TMEM178B: variants seen among roughly 807,000 people sequenced by gnomAD.
TMEM178B encodes the protein transmembrane protein 178B.
TMEM178B carries 5 observed loss-of-function variants against 31.0 expected under a neutral mutation model. That is an observed-to-expected ratio of 0.16 (90% CI 0.08 to 0.34). The LOEUF (loss-of-function observed/expected upper bound fraction) is 0.34. Ranked by LOEUF, TMEM178B falls within the 10% of genes least tolerant of loss-of-function variation. The pLI, the probability that TMEM178B is intolerant of heterozygous loss-of-function variation, is 1.00. For missense variants in TMEM178B, 275 were observed against 400.3 expected, an observed-to-expected ratio of 0.69 and a Z score of 2.67; for synonymous variants, 164 against 164.0, an observed-to-expected ratio of 1.00 and a Z score of 0.00.
intron 2 of TMEM178B, among the ~76,000 whole-genome samples, chr7:141,334,717 T>A: frequency 6.6e-6 from 1 of 152,174 alleles, no homozygotes; most frequent in East Asian, 1.9e-4. Flanking sequence ...GCCTGGGAAA[T>A]GTGTGTAGCT....
the TMEM178B span, among the ~76,000 whole-genome samples, chr7:141,490,782 T>G: frequency 1.3e-5 from 2 of 152,216 alleles, no homozygotes; most frequent in Non-Finnish European, 1.5e-5. Flanking sequence ...TTCAGCAGCT[T>G]CCCGTTTACT....
rs1441707385 is a variant in TMEM178B at position 141,473,148 on chromosome 7, A to G, written c.*2362A>G. The G allele has an allele frequency of 6.6e-6, 1 of 152,238 alleles. No individual in the cohort carries two copies. Among genetic ancestry groups the G allele is most frequent in the Non-Finnish European group, 1.5e-5 (1 of 68,038 alleles). 9.4% of individuals were successfully genotyped at this position (152,238 alleles called of 1,614,324 possible). A position where few individuals can be genotyped will look rare whatever the true frequency, so the allele number is the denominator to read the frequency against. On this transcript the variant is annotated 3_prime_UTR_variant, in exon 4 of 4. Transcript: ENST00000565468. Reference sequence around the variant, plus strand: ...ATTTTCAGGAAAACCCAGTTTTTCAATTGGGCATTTTATTTCTAATTTTCT... The same window carrying G: ...ATTTTCAGGAAAACCCAGTTTTTCAGTTGGGCATTTTATTTCTAATTTTCT...
intron 3 of TMEM178B, among the ~76,000 whole-genome samples, chr7:141,464,647 A>G (rs892011261): frequency 6.6e-6 from 1 of 152,220 alleles, no homozygotes; most frequent in Admixed American, 6.5e-5. Context: ...CCTAGCATGT[A>G]TCATAAAGCT....
Position 141,149,907 on chromosome 7 carries a change from T to C in TMEM178B, c.383-62684T>C, listed in dbSNP as rs536822917. On this transcript the variant is annotated intron_variant, in intron 1 of 3. Transcript: ENST00000565468. ...TAGCTGCCTGGTTTGTGGTAGTTTGTTATGACAACCCTAGAAACTGATGCA... is the reference window on the plus strand; with the variant it reads ...TAGCTGCCTGGTTTGTGGTAGTTTGCTATGACAACCCTAGAAACTGATGCA... Among the ~76,000 whole-genome samples, 149 of 152,330 alleles carry C rather than the reference T, an allele frequency of 9.8e-4. 1 individual carries two copies. Among genetic ancestry groups the C allele is most frequent in the African/African-American group, 3.5e-3 (145 of 41,566 alleles).
chr7:141,250,986 C>T (rs1797823009), intron 2 of TMEM178B, among the ~76,000 whole-genome samples: 1 of 152,136 alleles, frequency 6.6e-6, no homozygotes, highest in African/African-American at 2.4e-5. Context: ...CTTTCCTCGG[C>T]TTTTCCTTTG....
intron 2 of TMEM178B, among the ~76,000 whole-genome samples, chr7:141,337,181 A>C: frequency 1.0e-5 from 1 of 96,678 alleles, no homozygotes; most frequent in Non-Finnish European, 2.1e-5. Flanking sequence ...CACCACCACC[A>C]CCAGCACCAC....
rs532119393 is a variant in TMEM178B at position 141,340,570 on chromosome 7, G to T, written c.497-97038G>T. 2.6e-5 allele frequency among the ~76,000 whole-genome samples: 4 copies of T among 152,260 alleles called. No homozygotes were observed. In the East Asian group the frequency reaches 7.7e-4, roughly 29 times the overall value. On this transcript the variant is annotated intron_variant, in intron 2 of 3. Transcript: ENST00000565468. ...AGTCGCCTATATCAAGAGATATTGT[G>T]TGCTCCTCAGAGGAATCCGATTGTG...
At chr7:141,108,968 C>CA (rs1563090071) in intron 1 of TMEM178B, among the ~76,000 whole-genome samples, 2 of 152,086 alleles carry the variant, frequency 1.3e-5, no homozygotes, top group Admixed American at 6.6e-5. Context: ...TACATGGTGG[C>CA]GGCAAGAGAG....
chr7:141,457,555 G>T (rs1801988165), intron 3 of TMEM178B, among the ~76,000 whole-genome samples: 1 of 152,134 alleles, frequency 6.6e-6, no homozygotes, highest in African/African-American at 2.4e-5. Context: ...TAGTGGTGAT[G>T]TTTTAACCAA....
At chr7:141,159,435 A>T (rs1237380983) in intron 1 of TMEM178B, among the ~76,000 whole-genome samples, 1 of 152,214 alleles carries the variant, frequency 6.6e-6, no homozygotes, top group Non-Finnish European at 1.5e-5. Context: ...TGATCCAGCA[A>T]TTCTACTTCT....
rs139818776 is a variant in TMEM178B at position 141,167,230 on chromosome 7, AG to A, written c.383-45360del. On this transcript the variant is annotated intron_variant, in intron 1 of 3. Transcript: ENST00000565468. Reference sequence around the variant, plus strand: ...GACACATTATCTAGAGTTGCCCGTGAGTACTACATCTTGTCCTTCAATGCAG... The same window carrying A: ...GACACATTATCTAGAGTTGCCCGTGATACTACATCTTGTCCTTCAATGCAG... Among the ~76,000 whole-genome samples the A allele has an allele frequency of 7.3e-3, 1,110 of 152,356 alleles. 12 individuals are homozygous for A. The highest frequency in any genetic ancestry group is 0.026 in the African/African-American group (1,061 of 41,592).
intron 1 of TMEM178B, among the ~76,000 whole-genome samples, chr7:141,150,615 T>C (rs1445725943): frequency 6.6e-6 from 1 of 152,220 alleles, no homozygotes; most frequent in African/African-American, 2.4e-5. Context: ...CCTGCTGTCA[T>C]GGAATGAAGC....
chr7:141,419,137 T>C (rs1486232498), intron 2 of TMEM178B, among the ~76,000 whole-genome samples: 2 of 152,174 alleles, frequency 1.3e-5, no homozygotes, highest in Admixed American at 1.3e-4. Context: ...CTTGAACGCC[T>C]GACCTCAAGT....
chr7:141,187,501 C>T (rs940496105), intron 1 of TMEM178B, among the ~76,000 whole-genome samples: 3 of 152,024 alleles, frequency 2.0e-5, no homozygotes, highest in Non-Finnish European at 2.9e-5. Flanking sequence ...GTTCTAGATC[C>T]CTGAGGAATC....
chr7:141,148,891 T>TG (rs1795903643), intron 1 of TMEM178B, among the ~76,000 whole-genome samples: 1 of 152,168 alleles, frequency 6.6e-6, no homozygotes, highest in Non-Finnish European at 1.5e-5. Flanking sequence ...ATTTGAATCT[T>TG]GGGGGTGGCA....
At chr7:141,433,187 G>A (rs1463531262) in intron 2 of TMEM178B, among the ~76,000 whole-genome samples, 1 of 152,200 alleles carries the variant, frequency 6.6e-6, no homozygotes, top group Non-Finnish European at 1.5e-5. Flanking sequence ...CCTGATCCCA[G>A]GAGTCAAGGG....
Position 141,460,161 on chromosome 7 carries a change from A to G in TMEM178B, c.635-10375A>G, listed in dbSNP as rs139927626. 2.7e-3 allele frequency among the ~76,000 whole-genome samples: 408 copies of G among 152,320 alleles called. 6 individuals carry two copies. Among genetic ancestry groups the G allele is most frequent in the African/African-American group, 9.5e-3 (395 of 41,572 alleles). On this transcript the variant is annotated intron_variant, in intron 3 of 3. Transcript: ENST00000565468. ...ATGCTATGACAAAATACCACAGATC[A>G]GGTGGCTAAAACATTACAAATTAAT...
At chr7:141,505,666 G>A in the TMEM178B span, among the ~76,000 whole-genome samples, 2 of 152,168 alleles carry the variant, frequency 1.3e-5, no homozygotes, top group Non-Finnish European at 2.9e-5. Flanking sequence ...ACAGGACTGG[G>A]GCAGATGGCT....
Position 141,410,111 on chromosome 7 carries a change from C to T in TMEM178B, c.497-27497C>T, listed in dbSNP as rs527236227. On this transcript the variant is annotated intron_variant, in intron 2 of 3. Transcript: ENST00000565468. ...ATCTCAACATCCCCATCACCTGTTT[C>T]CTGGAAAATTTCCCGATTTCTCCCC... is the stretch of plus-strand genomic sequence containing the variant. Among the ~76,000 whole-genome samples, 258 of 152,312 alleles carry T rather than the reference C, an allele frequency of 1.7e-3. 3 individuals are homozygous for T. The South Asian group carries it at 0.032, about 19-fold the overall frequency.
Sources: allele counts gnomAD v4.1 joint callset (sites outside exome capture counted in the v4.1 genomes callset), GRCh38; gene constraint gnomAD v4.1.1; transcripts MANE v1.5; gene names NCBI Gene and HGNC (gene_info 2026-07-23, HGNC 2026-07-21).